IL17RE: variants seen among roughly 807,000 people sequenced by gnomAD.
IL17RE encodes the protein interleukin 17 receptor E, also known as interleukin-17 receptor E.
A neutral mutation model predicts 70.7 loss-of-function variants in IL17RE; 47 were observed. The observed-to-expected ratio is 0.67, with a 90% confidence interval of 0.53 to 0.85. IL17RE has a LOEUF of 0.85. IL17RE is among the 40% of genes least tolerant of loss of function. IL17RE has a pLI of 0.00. For missense variants in IL17RE, 850 were observed against 893.9 expected (o/e 0.95, Z 0.63); for synonymous variants, 372 against 381.2 (o/e 0.98, Z 0.28).
chr3:9,910,757 T>C (rs1284009671), intron 8 of IL17RE, 108 bp from the exon 9 acceptor site: 4 of 878,814 alleles, frequency 4.6e-6, no homozygotes, highest in Non-Finnish European at 7.1e-6. Context: ...CCAGGAATAG[T>C]GCTGGTTACT....
intron 3 of IL17RE, 42 bp from the exon 4 acceptor site, chr3:9,906,322 G>C (rs2082755080): frequency 8.8e-7 from 1 of 1,137,552 alleles, no homozygotes; most frequent in Non-Finnish European, 1.3e-6. Context: ...GCAGGGGAGG[G>C]GGTAATGAGG....
chr3:9,911,491 T>G lies in IL17RE; in HGVS notation c.1121T>G (p.Leu374Arg). The change falls in exon 12 of 16, where the codon CTG becomes CGG. Residue 374 changes from leucine (L) to arginine (R), a missense_variant. Leu to Arg is a moderately radical substitution (Grantham distance 102). Transcript: ENST00000383814. Reference sequence around the variant, plus strand: ...AGCATGGATACCCAAGCCCAGCAGCTGATTCTTCACTTCTCCTCAAGAATG... The same window carrying G: ...AGCATGGATACCCAAGCCCAGCAGCGGATTCTTCACTTCTCCTCAAGAATG... ...NVSMDTQAQQLILHFSSRMHA... is the reference protein window; with the variant it reads ...NVSMDTQAQQRILHFSSRMHA... The G allele has an allele frequency of 6.2e-7, 1 of 1,614,164 alleles. No homozygotes were observed. Among genetic ancestry groups the G allele is most frequent in the Middle Eastern group, 1.6e-4 (1 of 6,062 alleles).
chr3:9,907,670 T>A (rs1021123329), intron 6 of IL17RE, among the ~76,000 whole-genome samples: 1 of 152,214 alleles, frequency 6.6e-6, no homozygotes, highest in African/African-American at 2.4e-5. Flanking sequence ...TCAGCTCCCC[T>A]AAGAGGTTGT....
rs2083047544 is a variant in IL17RE, at chr3:9,915,861, G to A, written c.*54G>A. 1 of 1,443,896 alleles carries A rather than the reference G, an allele frequency of 6.9e-7. No homozygotes were observed. The highest frequency in any genetic ancestry group is 9.0e-7 in the Non-Finnish European group (1 of 1,107,322). The allele number at this position is 1,443,896 out of a possible 1,614,324, so 89.4% of individuals were successfully genotyped here. ...TGCGGCCGCAACGCAACGGACACTG[G>A]CTGGAACCCCGGAATGAGCCTTCGA... is the stretch of plus-strand genomic sequence containing the variant. On this transcript the variant is annotated 3_prime_UTR_variant, in exon 16 of 16. Coordinates refer to ENST00000383814, the MANE Select transcript of IL17RE (RefSeq NM_153480.2). This position sits in a 1 kb window ranked among gnomAD's most constrained non-coding sequence, Gnocchi z 4.9.
chr3:9,910,858 T>G lies in IL17RE; in HGVS notation c.803-7T>G. 1 of 1,612,314 alleles carries G rather than the reference T, an allele frequency of 6.2e-7. No individual in the cohort carries two copies. Among genetic ancestry groups the G allele is most frequent in the Non-Finnish European group, 8.5e-7 (1 of 1,178,852 alleles). On this transcript the variant is annotated splice_region_variant and splice_polypyrimidine_tract_variant and intron_variant, in intron 8 of 15. Coordinates refer to ENST00000383814, the MANE Select transcript of IL17RE (RefSeq NM_153480.2). ...ACCCTCACCCACTGACCCTGCCACC[T>G]GCCCAGATGGCTCGGACTTCTGGAA...
At position 9,915,563 on chromosome 3, in the gene IL17RE, CGCT is replaced by C. The variant is rs1428885351; in HGVS notation, c.1770_1772del (p.Leu591del). 5 of 1,411,322 alleles carry C rather than the reference CGCT, an allele frequency of 3.5e-6. No homozygotes were observed. Among genetic ancestry groups the C allele is most frequent in the South Asian group, 2.9e-5 (2 of 68,136 alleles). 87.4% of individuals were successfully genotyped at this position (1,411,322 alleles called of 1,614,324 possible). ...GCCCTGCTCCACGCTGCCCCGCGCC[CGCT>C]GCTGCTGCTCGCTTACTTCAGTCGC... On this transcript the variant is annotated inframe_deletion, in exon 16 of 16. Coordinates refer to ENST00000383814, the MANE Select transcript of IL17RE (RefSeq NM_153480.2). The surrounding 1 kb of genome is among the most constrained non-coding windows in gnomAD (Gnocchi z 4.9).
intron 13 of IL17RE, chr3:9,914,253 A>C (rs1397465049): frequency 2.0e-5 from 14 of 711,028 alleles, no homozygotes; most frequent in Non-Finnish European, 3.0e-5. Context: ...CATGGTGACA[A>C]TGGCCTGGAG....
chr3:9,907,119 C>T lies in IL17RE; in HGVS notation c.666+19C>T. 2.5e-6 allele frequency: 4 copies of T among 1,613,882 alleles called. No homozygotes were observed. Among genetic ancestry groups the T allele is most frequent in the Non-Finnish European group, 3.4e-6 (4 of 1,179,904 alleles). On this transcript the variant is annotated intron_variant, in intron 6 of 15. Coordinates refer to ENST00000383814, the MANE Select transcript of IL17RE (RefSeq NM_153480.2). The stretch of plus-strand genomic sequence containing the variant: ...TGTCCAGGTATGGTGTGTCATCCCC[C>T]TGTAAAAAGCCCGATCACACAGTGC...
upstream of IL17RE, among the ~76,000 whole-genome samples, chr3:9,902,164 C>T (rs542789551): frequency 2.1e-4 from 32 of 152,100 alleles, 1 homozygote; most frequent in South Asian, 2.9e-3. Flanking sequence ...TCTCCAGCAC[C>T]GGAAACCACA....
chr3:9,909,321 C>G, intron 8 of IL17RE, 38 bp downstream of exon 8: 1 of 1,541,040 alleles, frequency 6.5e-7, no homozygotes, highest in Non-Finnish European at 9.0e-7. Context: ...GCACACACAT[C>G]CCCTTTCTCT....
At chr3:9,906,229 A>T (rs1321301917) in intron 3 of IL17RE, 135 bp from the exon 4 acceptor site, 2 of 367,302 alleles carry the variant, frequency 5.4e-6, no homozygotes, top group Non-Finnish European at 1.0e-5. Flanking sequence ...AGCCTGGGCA[A>T]CAAAGAGCAA....
In IL17RE at chr3:9,914,037, A is replaced by G. The variant is rs748207686; in HGVS notation, c.1296+13A>G. On this transcript the variant is annotated intron_variant, in intron 13 of 15. Transcript: ENST00000383814. ...GTGCTGTGTCCTGGTAAGGAAACCT[A>G]CCCTCACTCTACATACAGAGCCTTG... 1.9e-6 allele frequency: 3 copies of G among 1,601,130 alleles called. No homozygotes were observed. In the East Asian group the frequency reaches 6.7e-5, roughly 36 times the overall value.
rs921814947 is a variant in IL17RE at position 9,905,701 on chromosome 3, T to G, written c.269-663T>G. Among the ~76,000 whole-genome samples the G allele has an allele frequency of 4.6e-5, 7 of 152,098 alleles. No individual in the cohort carries two copies. The South Asian group carries it at 1.5e-3, about 32-fold the overall frequency. ...TGGGCGTGGTGGCAGGCGTCTGTAG[T>G]CCCAGCTACTCTGGGGGCTGAGGCA... On this transcript the variant is annotated intron_variant, in intron 3 of 15. Coordinates refer to ENST00000383814, the MANE Select transcript of IL17RE (RefSeq NM_153480.2).
intron 15 of IL17RE, 51 bp downstream of exon 15, chr3:9,914,828 C>A: frequency 6.9e-7 from 1 of 1,440,958 alleles, no homozygotes; most frequent in Non-Finnish European, 9.7e-7. Context: ...AGCTCGGAGA[C>A]TAGCTGCCCC....
intron 12 of IL17RE, among the ~76,000 whole-genome samples, chr3:9,912,912 C>G (rs1006512286): frequency 1.1e-4 from 16 of 152,124 alleles, no homozygotes; most frequent in African/African-American, 3.9e-4. Flanking sequence ...ATTTAGTATG[C>G]TTTGTGCCCA....
At chr3:9,902,828 C>A, upstream of IL17RE, 1 of 1,592,438 alleles carries the variant, frequency 6.3e-7, no homozygotes, top group South Asian at 1.1e-5. Context: ...CAGGCTGGGG[C>A]GAGGGCTCCT....
Position 9,904,196 on chromosome 3 carries a change from T to C in IL17RE, c.268+45T>C, listed in dbSNP as rs1019881755. 8 of 1,605,874 alleles carry C rather than the reference T, an allele frequency of 5.0e-6. No homozygotes were observed. In the Admixed American group the frequency reaches 5.0e-5, roughly 10 times the overall value. On this transcript the variant is annotated intron_variant, in intron 3 of 15. Coordinates refer to ENST00000383814, the MANE Select transcript of IL17RE (RefSeq NM_153480.2). ...GGGCCATTCTCAGTGAAGAGAACATTTTGAGGGACCACCTAGGCTGAGCAA... is the reference window on the plus strand; with the variant it reads ...GGGCCATTCTCAGTGAAGAGAACATCTTGAGGGACCACCTAGGCTGAGCAA...
chr3:9,906,759 C>A lies in IL17RE; in HGVS notation c.420C>A (p.Ile140=). 1 of 1,614,166 alleles carries A rather than the reference C, an allele frequency of 6.2e-7. No homozygotes were observed. Among genetic ancestry groups the A allele is most frequent in the Non-Finnish European group, 8.5e-7 (1 of 1,180,024 alleles). ...HLSEKSHHIS[I]PSPDISHKGL... ...CTGAGAAGAGCCATCACATTTCCAT[C>A]CCCTCCCCAGACATCTCCCACAAGG... The change falls in exon 5 of 16, where the codon ATC becomes ATA. Residue 140 remains isoleucine (I), a synonymous_variant. Coordinates refer to ENST00000383814, the MANE Select transcript of IL17RE (RefSeq NM_153480.2).
chr3:9,912,652 A>G (rs181490414), intron 12 of IL17RE, among the ~76,000 whole-genome samples: 1 of 152,338 alleles, frequency 6.6e-6, no homozygotes, highest in African/African-American at 2.4e-5. Context: ...TGCAGCTTAT[A>G]TGTTTGTTTT....
Sources: allele counts gnomAD v4.1 joint callset (sites outside exome capture counted in the v4.1 genomes callset), GRCh38; gene constraint gnomAD v4.1.1; non-coding constraint Gnocchi (gnomAD v3.1); transcripts MANE v1.5; gene names NCBI Gene and HGNC (gene_info 2026-07-23, HGNC 2026-07-21).